Variants in HTR4 observed in about 807,000 individuals in gnomAD.
HTR4 encodes 5-hydroxytryptamine receptor 4, also known as 5-hydroxytryptamine (serotonin) receptor 4, G protein-coupled.
HTR4 carries 16 observed loss-of-function variants against 36.8 expected under a neutral mutation model. That is an observed-to-expected ratio of 0.43 (90% CI 0.29 to 0.66). The LOEUF is 0.66. Among genes scored for constraint, HTR4 ranks in the 30% least tolerant of loss-of-function variants. The probability of loss-of-function intolerance (pLI) is 0.13; values close to 1 mark genes in which losing one functional copy is unlikely to be tolerated. For missense variants in HTR4, 438 were observed against 490.9 expected, an observed-to-expected ratio of 0.89 and a Z score of 1.02; for synonymous variants, 189 against 185.1, an observed-to-expected ratio of 1.02 and a Z score of -0.17.
intron 4 of HTR4, among the ~76,000 whole-genome samples, chr5:148,529,116 G>A (rs1275115331): frequency 6.6e-6 from 1 of 151,922 alleles, no homozygotes; most frequent in East Asian, 1.9e-4. Flanking sequence ...CTGGCATCTA[G>A]CCCAGGCAGA....
rs764188685 is a variant in HTR4 at position 148,482,260 on chromosome 5, C to T, written c.*943G>A. On this transcript the variant is annotated 3_prime_UTR_variant, in exon 7 of 7. Coordinates refer to ENST00000377888, the MANE Select transcript of HTR4 (RefSeq NM_000870.7). ...CAACAGTTATCTCCTTTGGCAGCAA[C>T]AAAGCCAGATTGAAGGGTTTCAAAA... 2 of 985,404 alleles carry T rather than the reference C, an allele frequency of 2.0e-6. No homozygotes were observed. Among genetic ancestry groups the T allele is most frequent in the Non-Finnish European group, 2.4e-6 (2 of 830,040 alleles). 61.0% of individuals were successfully genotyped at this position (985,404 alleles called of 1,614,324 possible).
At chr5:148,620,444 C>T (rs986186119) in intron 2 of HTR4, among the ~76,000 whole-genome samples, 6 of 152,098 alleles carry the variant, frequency 3.9e-5, no homozygotes, top group African/African-American at 9.7e-5. Context: ...CTATACTGTC[C>T]GATATGGTAG....
chr5:148,526,459 T>C (rs1162417630), intron 4 of HTR4, among the ~76,000 whole-genome samples: 1 of 152,102 alleles, frequency 6.6e-6, no homozygotes, highest in Non-Finnish European at 1.5e-5. Context: ...AATATAATTT[T>C]TGAGGTTTAG....
At chr5:148,567,483 C>A (rs182148806) in intron 2 of HTR4, among the ~76,000 whole-genome samples, 1 of 152,082 alleles carries the variant, frequency 6.6e-6, no homozygotes, top group Non-Finnish European at 1.5e-5. Flanking sequence ...AATGGCTTCC[C>A]AGCTCATGCA....
chr5:148,539,587 G>A (rs1185624608), intron 4 of HTR4, among the ~76,000 whole-genome samples: 1 of 152,062 alleles, frequency 6.6e-6, no homozygotes, highest in African/African-American at 2.4e-5. Context: ...TTTCAAAAGA[G>A]GACATATATG....
chr5:148,523,683 G>A (rs1758132056), intron 4 of HTR4, among the ~76,000 whole-genome samples: 1 of 152,018 alleles, frequency 6.6e-6, no homozygotes, highest in Admixed American at 6.6e-5. Context: ...ATATACTTTG[G>A]ATCACATCTG....
At chr5:148,486,978 TG>T (rs1272544881) in intron 6 of HTR4, among the ~76,000 whole-genome samples, 1 of 152,222 alleles carries the variant, frequency 6.6e-6, no homozygotes, top group Non-Finnish European at 1.5e-5. Flanking sequence ...TCAAAATCCC[TG>T]ATGCAAAACA....
intron 4 of HTR4, among the ~76,000 whole-genome samples, chr5:148,525,613 G>A (rs1389791575): frequency 6.6e-6 from 1 of 152,184 alleles, no homozygotes; most frequent in Non-Finnish European, 1.5e-5. Flanking sequence ...CCCCCTGGTA[G>A]GGCTGGGGAT....
chr5:148,615,627 GTA>G lies in HTR4; in HGVS notation c.26+21360_26+21361del, dbSNP rs548917592. 7.2e-4 allele frequency among the ~76,000 whole-genome samples: 109 copies of G among 150,504 alleles called. No individual in the cohort carries two copies. In the Middle Eastern group the frequency reaches 0.017, roughly 23 times the overall value. The stretch of plus-strand genomic sequence containing the variant: ...GCACACCAGCATGGCACATGTATAC[GTA>G]TGTAACTAACCTGCACAATGTGCAC... On this transcript the variant is annotated intron_variant, in intron 2 of 6. Coordinates refer to ENST00000377888, the MANE Select transcript of HTR4 (RefSeq NM_000870.7).
intron 5 of HTR4, among the ~76,000 whole-genome samples, chr5:148,518,561 T>C (rs1377446532): frequency 6.6e-6 from 1 of 152,104 alleles, no homozygotes; most frequent in African/African-American, 2.4e-5. Flanking sequence ...CTCTATAGAG[T>C]AGCCAGAATG....
chr5:148,635,782 C>G (rs1040295346), intron 2 of HTR4, among the ~76,000 whole-genome samples: 1 of 152,220 alleles, frequency 6.6e-6, no homozygotes, highest in Admixed American at 6.5e-5. Flanking sequence ...AATAATTTCA[C>G]AAACTTTAGA....
intron 1 of HTR4, among the ~76,000 whole-genome samples, chr5:148,643,421 G>T (rs1469642116): frequency 2.0e-5 from 3 of 151,960 alleles, no homozygotes; most frequent in African/African-American, 7.3e-5. Flanking sequence ...CTAGAAATCA[G>T]GTTTTTTTTC....
At position 148,588,527 on chromosome 5, in the gene HTR4, CTT is replaced by C. The variant is rs35749777; in HGVS notation, c.27-38267_27-38266del. ...ATATCATTCACAGTAGGTTTTAATTCTTTTTTTTTTTTTTTTTTTTTTTTGAG... is the reference window on the plus strand; with the variant it reads ...ATATCATTCACAGTAGGTTTTAATTCTTTTTTTTTTTTTTTTTTTTTTGAG... On this transcript the variant is annotated intron_variant, in intron 2 of 6. Transcript: ENST00000377888. Among the ~76,000 whole-genome samples, 540 of 110,062 alleles carry C rather than the reference CTT, an allele frequency of 4.9e-3. 8 individuals carry two copies. The highest frequency in any genetic ancestry group is 0.013 in the African/African-American group (369 of 28,064). The allele number at this position is 110,062 out of a possible 152,430, so 72.2% of individuals were successfully genotyped here. A position where few individuals can be genotyped will look rare whatever the true frequency, so the allele number is the denominator to read the frequency against.
At chr5:148,598,213 G>A (rs1411890305) in intron 2 of HTR4, among the ~76,000 whole-genome samples, 1 of 152,022 alleles carries the variant, frequency 6.6e-6, no homozygotes, top group Non-Finnish European at 1.5e-5. Context: ...GGGGAGGTTG[G>A]TGGTAAAGAA....
At chr5:148,593,218 C>G (rs1561639199) in intron 2 of HTR4, among the ~76,000 whole-genome samples, 1 of 152,128 alleles carries the variant, frequency 6.6e-6, no homozygotes, top group Non-Finnish European at 1.5e-5. Flanking sequence ...GAATTCTGGA[C>G]AACTTTGGTT....
chr5:148,611,387 A>G (rs1561649080), intron 2 of HTR4, among the ~76,000 whole-genome samples: 1 of 150,022 alleles, frequency 6.7e-6, no homozygotes, highest in Non-Finnish European at 1.5e-5. Context: ...ATTCTTAAAG[A>G]AAAGAATTTT....
intron 2 of HTR4, among the ~76,000 whole-genome samples, chr5:148,609,516 A>C (rs190466855): frequency 6.3e-4 from 96 of 152,154 alleles, no homozygotes; most frequent in Admixed American, 1.9e-3. Flanking sequence ...ATGTGGATTT[A>C]TTGAGAAAGG....
intron 6 of HTR4, among the ~76,000 whole-genome samples, chr5:148,487,039 A>G (rs1242920731): frequency 2.0e-5 from 3 of 152,246 alleles, no homozygotes; most frequent in African/African-American, 7.2e-5. Context: ...AGTTTTTAAA[A>G]TGCAGTTTCT....
In HTR4 at chr5:148,523,289, G is replaced by A. The variant is rs1758110510; in HGVS notation, c.411C>T (p.Arg137=). 3 of 1,613,252 alleles carry A rather than the reference G, an allele frequency of 1.9e-6. No individual in the cohort carries two copies. The South Asian group carries it at 3.3e-5, about 18-fold the overall frequency. The change falls in exon 5 of 7, where the codon CGC becomes CGT. Residue 137 remains arginine, a synonymous_variant. Transcript: ENST00000377888. ...LVYRNKMTPL[R]IALMLGGCWV... is the part of the protein sequence containing the mutation. ...AGCAGCCTCCCAGCATTAATGCGAT[G>A]CGCAGAGGGGTCATCTTGTTCCTAT... is the stretch of plus-strand genomic sequence containing the variant.
Sources: allele counts gnomAD v4.1 joint callset (sites outside exome capture counted in the v4.1 genomes callset), GRCh38; gene constraint gnomAD v4.1.1; transcripts MANE v1.5; gene names NCBI Gene and HGNC (gene_info 2026-07-23, HGNC 2026-07-21).